MSH5: variants seen among roughly 807,000 people sequenced by gnomAD.
The protein encoded by MSH5 is mutS homolog 5.
A neutral mutation model predicts 107.7 loss-of-function variants in MSH5; 78 were observed. That is an observed-to-expected ratio of 0.72 (90% CI 0.60 to 0.87). The LOEUF (loss-of-function observed/expected upper bound fraction) is 0.87. Ranked by LOEUF, MSH5 falls within the 40% of genes least tolerant of loss-of-function variation. The pLI is 0.00. For missense variants in MSH5, 889 were observed against 1,046.6 expected (o/e 0.85, Z 2.08); for synonymous variants, 326 against 399.5 (o/e 0.82, Z 2.19).
Position 31,760,184 on chromosome 6 carries a change from A to C in MSH5, c.1780A>C (p.Asn594His). ...KGRVKVITGP[N>H]SSGKSIYLKQ... Reference sequence around the variant, plus strand: ...GAGGGTCAAAGTCATCACTGGACCCAACTCATCAGGGAAGAGCATATACCT... The same window carrying C: ...GAGGGTCAAAGTCATCACTGGACCCCACTCATCAGGGAAGAGCATATACCT... Residue 594 changes from asparagine (N) to histidine (H), a missense_variant, in exon 19 of 25, where the codon AAC becomes CAC. By Grantham distance (68) the Asn-to-His change is moderately conservative (BLOSUM62 1). Coordinates refer to ENST00000375750, the MANE Select transcript of MSH5 (RefSeq NM_172166.4). The surrounding 1 kb of genome is among the most constrained non-coding windows in gnomAD (Gnocchi z 5.6). 1 of 1,611,308 alleles carries C rather than the reference A, an allele frequency of 6.2e-7. No individual in the cohort carries two copies. Among genetic ancestry groups the C allele is most frequent in the South Asian group, 1.1e-5 (1 of 90,600 alleles).
intron 12 of MSH5, 49 bp downstream of exon 12, chr6:31,753,678 C>T: frequency 6.4e-7 from 1 of 1,556,540 alleles, no homozygotes; most frequent in African/African-American, 1.4e-5. Flanking sequence ...AGGCCCTCAG[C>T]CTGTATTCCA....
Position 31,761,666 on chromosome 6 carries a change from A to G in MSH5, c.2181+51A>G. On this transcript the variant is annotated intron_variant, in intron 22 of 24. Coordinates refer to ENST00000375750, the MANE Select transcript of MSH5 (RefSeq NM_172166.4). The surrounding 1 kb of genome is among the most constrained non-coding windows in gnomAD (Gnocchi z 5.3). ...GGGACCCCCAGGCTGGGCATTTCCC[A>G]GAGGTGGGGATTGGCTCCTCTATCA... 6.2e-7 allele frequency: 1 copy of G among 1,613,410 alleles called. No individual in the cohort carries two copies. Among genetic ancestry groups the G allele is most frequent in the South Asian group, 1.1e-5 (1 of 91,084 alleles).
At chr6:31,751,959 C>T (rs997745774) in intron 10 of MSH5, among the ~76,000 whole-genome samples, 11 of 151,816 alleles carry the variant, frequency 7.2e-5, no homozygotes, top group South Asian at 2.1e-4. Context: ...TTTAGCTGGG[C>T]ATGGTGGCAC....
chr6:31,745,704 T>C (rs920601049), intron 9 of MSH5, among the ~76,000 whole-genome samples: 3 of 152,054 alleles, frequency 2.0e-5, no homozygotes, highest in African/African-American at 7.2e-5. Context: ...GGCTTTAGGG[T>C]ATATTAGGGA....
In MSH5 at chr6:31,759,850, C is replaced by G; in HGVS notation, c.1560C>G (p.Thr520=). 1 of 1,614,126 alleles carries G rather than the reference C, an allele frequency of 6.2e-7. No homozygotes were observed. The highest frequency in any genetic ancestry group is 1.7e-5 in the Admixed American group (1 of 60,030). ...CQVLARAAVL[T]RVLDLASRLD... ...TGCTGGCACGAGCAGCTGTCTTAAC[C>G]CGAGTATTGGACCTTGCCTCCCGCC... Residue 520 remains threonine, a synonymous_variant, in exon 18 of 25, where the codon ACC becomes ACG. Coordinates refer to ENST00000375750, the MANE Select transcript of MSH5 (RefSeq NM_172166.4). This position sits in a 1 kb window ranked among gnomAD's most constrained non-coding sequence, Gnocchi z 4.7.
chr6:31,752,267 C>T (rs1295007236), intron 10 of MSH5, among the ~76,000 whole-genome samples: 1 of 150,284 alleles, frequency 6.7e-6, no homozygotes, highest in African/African-American at 2.5e-5. Flanking sequence ...GGTGAAACCC[C>T]GTCTCTACTA....
In MSH5 at chr6:31,756,361, G is replaced by A. The variant is rs571076644; in HGVS notation, c.1015-1804G>A. On this transcript the variant is annotated intron_variant, in intron 12 of 24. Transcript: ENST00000375750. ...TAATTTTTGTATTTTTAGTAGAGAC[G>A]GGATTTCACCATGTTGGCCAGGATG... Among the ~76,000 whole-genome samples the A allele has an allele frequency of 7.2e-5, 11 of 151,866 alleles. No homozygotes were observed. The East Asian group carries it at 1.9e-3, about 27-fold the overall frequency.
chr6:31,758,037 C>T lies in MSH5; in HGVS notation c.1015-128C>T. The T allele has an allele frequency of 8.6e-7, 1 of 1,163,130 alleles. No individual in the cohort carries two copies. The highest frequency in any genetic ancestry group is 2.1e-5 in the Admixed American group (1 of 46,692). 72.1% of individuals were successfully genotyped at this position (1,163,130 alleles called of 1,614,324 possible). A position where few individuals can be genotyped will look rare whatever the true frequency, so the allele number is the denominator to read the frequency against. ...CAGTGCCTCTCACTGTTTCTTTTTG[C>T]CTTTGAGATCTTCCCTCTTTGTTAC... On this transcript the variant is annotated intron_variant, in intron 12 of 24. Coordinates refer to ENST00000375750, the MANE Select transcript of MSH5 (RefSeq NM_172166.4). The surrounding 1 kb of genome is among the most constrained non-coding windows in gnomAD (Gnocchi z 5.1).
chr6:31,761,191 G>A lies in MSH5; in HGVS notation c.1966G>A (p.Ala656Thr), dbSNP rs971199165. 1 of 1,613,744 alleles carries A rather than the reference G, an allele frequency of 6.2e-7. No individual in the cohort carries two copies. The highest frequency in any genetic ancestry group is 8.5e-7 in the Non-Finnish European group (1 of 1,179,930). ...TTGTCCACCTTATACCCAGCAGGTGGCGAAAGCAGTGAACAATGCCACTGC... is the reference window on the plus strand; with the variant it reads ...TTGTCCACCTTATACCCAGCAGGTGACGAAAGCAGTGAACAATGCCACTGC... The part of the protein sequence containing the change: ...STFMIDLNQV[A>T]KAVNNATAQS... Residue 656 changes from alanine (A) to threonine (T), a missense_variant, in exon 21 of 25, where the codon GCG becomes ACG. By Grantham distance (58) the Ala-to-Thr change is moderately conservative. Coordinates refer to ENST00000375750, the MANE Select transcript of MSH5 (RefSeq NM_172166.4). The surrounding 1 kb of genome is among the most constrained non-coding windows in gnomAD (Gnocchi z 5.3).
chr6:31,753,732 T>TA, intron 12 of MSH5, 103 bp downstream of exon 12: 1 of 914,632 alleles, frequency 1.1e-6, no homozygotes, highest in Non-Finnish European at 1.7e-6. Flanking sequence ...TATTCTACCC[T>TA]CTTTTTTTTT....
At chr6:31,754,592 G>C (rs1485209825) in intron 12 of MSH5, among the ~76,000 whole-genome samples, 1 of 151,936 alleles carries the variant, frequency 6.6e-6, no homozygotes, top group Admixed American at 6.6e-5. Context: ...TTTCATTGCA[G>C]CCTCTAACTT....
Position 31,740,472 on chromosome 6 carries a change from C to T in MSH5, c.6C>T (p.Ala2=). M[A]SLGANPRRTP... Reference sequence around the variant, plus strand: ...TCCGCAGAGCCTCCAAGCTCATGGCCTCCTTAGGAGCGAACCCAAGGAGGA... The same window carrying T: ...TCCGCAGAGCCTCCAAGCTCATGGCTTCCTTAGGAGCGAACCCAAGGAGGA... The change falls in exon 2 of 25, where the codon GCC becomes GCT. Residue 2 remains alanine (A), a synonymous_variant. Coordinates refer to ENST00000375750, the MANE Select transcript of MSH5 (RefSeq NM_172166.4). This position sits in a 1 kb window ranked among gnomAD's most constrained non-coding sequence, Gnocchi z 4.4. The T allele has an allele frequency of 6.4e-7, 1 of 1,563,524 alleles. No homozygotes were observed. The highest frequency in any genetic ancestry group is 8.7e-7 in the Non-Finnish European group (1 of 1,153,682).
chr6:31,744,163 C>T (rs374128866), intron 6 of MSH5, 27 bp from the exon 7 acceptor site: 1 of 1,600,120 alleles, frequency 6.2e-7, no homozygotes, highest in Middle Eastern at 1.7e-4. Context: ...AAGATTTACC[C>T]CGATTCCACT....
chr6:31,750,994 AATTT>A (rs369989078), intron 10 of MSH5, among the ~76,000 whole-genome samples: 1 of 151,222 alleles, frequency 6.6e-6, no homozygotes, highest in Admixed American at 6.6e-5. Flanking sequence ...TCTGTATATG[AATTT>A]ATTTTATTTA....
chr6:31,745,125 AAGAC>A, intron 8 of MSH5, 108 bp from the exon 9 acceptor site: 2 of 611,282 alleles, frequency 3.3e-6, no homozygotes, highest in Non-Finnish European at 5.6e-6. Flanking sequence ...AAAAAAAAAA[AAGAC>A]GTGATCTCAG....
rs28399968 is a variant in MSH5, at chr6:31,750,451, A to G, written c.813-2850A>G. The stretch of plus-strand genomic sequence containing the variant: ...GGCACTGTCCTAGGAGTCTGGAGAC[A>G]TGATTTTGAGACTTAGCTGTTCTCA... On this transcript the variant is annotated intron_variant, in intron 10 of 24. Transcript: ENST00000375750. Among the ~76,000 whole-genome samples, 1,159 of 152,334 alleles carry G rather than the reference A, an allele frequency of 7.6e-3. 22 individuals carry two copies. Among genetic ancestry groups the G allele is most frequent in the African/African-American group, 0.026 (1,096 of 41,576 alleles).
chr6:31,743,065 C>T (rs1311375669), intron 4 of MSH5, 43 bp from the exon 5 acceptor site: 2 of 1,611,798 alleles, frequency 1.2e-6, no homozygotes, highest in Non-Finnish European at 8.5e-7. Context: ...GGTAGAAGGA[C>T]TGAGATGTAA....
intron 10 of MSH5, among the ~76,000 whole-genome samples, chr6:31,750,620 A>T (rs1016735336): frequency 1.3e-5 from 2 of 152,162 alleles, no homozygotes; most frequent in Non-Finnish European, 2.9e-5. Context: ...AGTGCAGCGC[A>T]TGTGCTTTCT....
chr6:31,758,627 G>A lies in MSH5; in HGVS notation c.1216+7G>A, dbSNP rs766958599. The A allele has an allele frequency of 1.9e-6, 3 of 1,613,970 alleles. No individual in the cohort carries two copies. Among genetic ancestry groups the A allele is most frequent in the Non-Finnish European group, 2.5e-6 (3 of 1,179,958 alleles). On this transcript the variant is annotated splice_region_variant and intron_variant, in intron 14 of 24. Transcript: ENST00000375750. This position sits in a 1 kb window ranked among gnomAD's most constrained non-coding sequence, Gnocchi z 5.1. Reference sequence around the variant, plus strand: ...GATCCTGAAATTGATGAGAGTGAGTGTTGGGTGTGGATGGGCCTGTGAGCC... The same window carrying A: ...GATCCTGAAATTGATGAGAGTGAGTATTGGGTGTGGATGGGCCTGTGAGCC...
Sources: gnomAD v4.1 joint callset for allele counts (sites outside exome capture counted in the v4.1 genomes callset) on GRCh38, gnomAD v4.1.1 for gene constraint, Gnocchi (gnomAD v3.1) non-coding constraint, MANE v1.5 for transcripts, NCBI Gene and HGNC (gene_info 2026-07-23, HGNC 2026-07-21) for gene names.